The following TEX14 variants were observed in gnomAD, a reference collection of about 807,000 sequenced individuals.
TEX14 encodes the protein testis expressed 14, intercellular bridge forming factor, also known as inactive serine/threonine-protein kinase TEX14.
In TEX14, 168 loss-of-function variants were observed where a neutral mutation model predicts 178.6. The ratio of observed to expected loss-of-function variants is 0.94; its 90% CI spans 0.83 to 1.07. TEX14 has a LOEUF of 1.07. Ranked by LOEUF, TEX14 falls within the 50% of genes least tolerant of loss-of-function variation. The probability of loss-of-function intolerance (pLI) is 0.00; values close to 1 mark genes in which losing one functional copy is unlikely to be tolerated. For synonymous variants in TEX14, 626 were observed against 634.1 expected (o/e 0.99, Z 0.19); for missense variants, 1,730 against 1,753.6 (o/e 0.99, Z 0.24).
rs751314380 is a variant in TEX14 at position 58,599,677 on chromosome 17, A to C, written c.1679-11T>G. On this transcript the variant is annotated splice_polypyrimidine_tract_variant and intron_variant, in intron 13 of 31. Coordinates refer to ENST00000349033, the MANE Select transcript of TEX14 (RefSeq NM_031272.5). The stretch of plus-strand genomic sequence containing the variant: ...AATGAGGTTGACTGCCTATTGAAAA[A>C]AACAGCAAAATGCAACTCATTAAAA... 2.5e-6 allele frequency: 4 copies of C among 1,602,280 alleles called. No individual in the cohort carries two copies. Among genetic ancestry groups the C allele is most frequent in the Admixed American group, 3.4e-5 (2 of 59,094 alleles).
At chr17:58,644,118 G>C (rs1274994197) in intron 2 of TEX14, among the ~76,000 whole-genome samples, 1 of 151,970 alleles carries the variant, frequency 6.6e-6, no homozygotes, top group Non-Finnish European at 1.5e-5. Context: ...GAGAGGAGAG[G>C]GGCTGGAGAC....
At chr17:58,609,373 T>A (rs1020979546) in intron 10 of TEX14, among the ~76,000 whole-genome samples, 2 of 152,124 alleles carry the variant, frequency 1.3e-5, no homozygotes, top group African/African-American at 4.8e-5. Context: ...CCTCCCAAAG[T>A]GCTGGGATTA....
At chr17:58,615,858 C>T (rs1331796936) in intron 7 of TEX14, among the ~76,000 whole-genome samples, 3 of 152,178 alleles carry the variant, frequency 2.0e-5, no homozygotes, top group Non-Finnish European at 4.4e-5. Context: ...GTGGTTCTCC[C>T]CCAGAAACCT....
intron 2 of TEX14, among the ~76,000 whole-genome samples, chr17:58,646,808 G>T (rs2046718180): frequency 6.6e-6 from 1 of 152,044 alleles, no homozygotes; most frequent in Non-Finnish European, 1.5e-5. Flanking sequence ...GTTAGATTAT[G>T]GTCCCAAAGG....
chr17:58,683,379 C>T (rs1418048859), intron 1 of TEX14, among the ~76,000 whole-genome samples: 2 of 134,820 alleles, frequency 1.5e-5, no homozygotes, highest in African/African-American at 5.5e-5. Flanking sequence ...TCCCCCCCCC[C>T]AAAAAAAAAA....
intron 5 of TEX14, among the ~76,000 whole-genome samples, chr17:58,620,642 T>C (rs1169109759): frequency 6.6e-6 from 1 of 152,048 alleles, no homozygotes; most frequent in Non-Finnish European, 1.5e-5. Flanking sequence ...TACAGGTGCA[T>C]GCCACCACAC....
intron 1 of TEX14, among the ~76,000 whole-genome samples, chr17:58,682,411 C>T (rs1346013187): frequency 2.0e-5 from 3 of 152,086 alleles, no homozygotes; most frequent in Non-Finnish European, 4.4e-5. Context: ...GCACATGCCA[C>T]CATGCCCGGC....
At chr17:58,591,084 C>T (rs187167060) in intron 15 of TEX14, among the ~76,000 whole-genome samples, 3 of 152,124 alleles carry the variant, frequency 2.0e-5, no homozygotes, top group African/African-American at 7.2e-5. Flanking sequence ...GCAGGGGAGG[C>T]CACAACAACT....
intron 1 of TEX14, among the ~76,000 whole-genome samples, chr17:58,657,312 G>GTTCTTGTC (rs2046989851): frequency 6.6e-6 from 1 of 151,802 alleles, no homozygotes; most frequent in Non-Finnish European, 1.5e-5. Context: ...GCTTGTGCCT[G>GTTCTTGTC]TTCTTGTCTT....
intron 1 of TEX14, among the ~76,000 whole-genome samples, chr17:58,668,619 G>C (rs1598431650): frequency 6.6e-6 from 1 of 152,200 alleles, no homozygotes; most frequent in South Asian, 2.1e-4. Flanking sequence ...CTGAGGCCAA[G>C]GGAGGCTGAA....
chr17:58,646,948 C>G (rs951367977), intron 2 of TEX14, among the ~76,000 whole-genome samples: 2 of 151,554 alleles, frequency 1.3e-5, no homozygotes, highest in African/African-American at 4.9e-5. Context: ...TCTTGTTTCC[C>G]AGGCTGGAGT....
chr17:58,665,228 G>C (rs1480915025), intron 1 of TEX14, among the ~76,000 whole-genome samples: 1 of 152,006 alleles, frequency 6.6e-6, no homozygotes, highest in South Asian at 2.1e-4. Flanking sequence ...CTGGTCTCAA[G>C]CCATCCTCCT....
chr17:58,623,029 G>C lies in TEX14; in HGVS notation c.252-17C>G. 1.3e-6 allele frequency: 2 copies of C among 1,580,960 alleles called. No individual in the cohort carries two copies. The highest frequency in any genetic ancestry group is 2.3e-5 in the East Asian group (1 of 44,080). On this transcript the variant is annotated splice_polypyrimidine_tract_variant and intron_variant, in intron 3 of 31. Transcript: ENST00000349033. ...AAGCAGCGGCTGGGGAGGGAGATGAGTACAATTGATGTCCATGGCAATGCT... is the reference window on the plus strand; with the variant it reads ...AAGCAGCGGCTGGGGAGGGAGATGACTACAATTGATGTCCATGGCAATGCT...
intron 7 of TEX14, 34 bp downstream of exon 7, chr17:58,616,141 G>A (rs2144529274): frequency 1.3e-6 from 2 of 1,593,868 alleles, no homozygotes; most frequent in Admixed American, 1.8e-5. Context: ...CCCTGAAACT[G>A]AATCAGACCT....
chr17:58,648,820 C>T (rs1392891656), intron 2 of TEX14, among the ~76,000 whole-genome samples: 2 of 133,004 alleles, frequency 1.5e-5, no homozygotes, highest in Non-Finnish European at 1.6e-5. Flanking sequence ...GACAGAGTCT[C>T]GCTCTGTTGC....
Position 58,556,764 on chromosome 17 carries a change from C to A in TEX14, c.*247G>T, listed in dbSNP as rs887010591. 1 of 458,002 alleles carries A rather than the reference C, an allele frequency of 2.2e-6. No homozygotes were observed. The highest frequency in any genetic ancestry group is 3.2e-5 in the East Asian group (1 of 31,552). 28.4% of individuals were successfully genotyped at this position (458,002 alleles called of 1,614,324 possible). On this transcript the variant is annotated 3_prime_UTR_variant, in exon 32 of 32. Transcript: ENST00000349033. Reference sequence around the variant, plus strand: ...TCAACAAAACCAAAGCCATTCTAGGCACAACCAAAAATTTTTACTATCAAA... The same window carrying A: ...TCAACAAAACCAAAGCCATTCTAGGAACAACCAAAAATTTTTACTATCAAA...
At chr17:58,621,243 G>A (rs928283183) in intron 5 of TEX14, among the ~76,000 whole-genome samples, 4 of 152,172 alleles carry the variant, frequency 2.6e-5, no homozygotes, top group Non-Finnish European at 5.9e-5. Context: ...CCAAGAAACC[G>A]TAAGTTAAGC....
chr17:58,676,254 T>A (rs1006428507), intron 1 of TEX14, among the ~76,000 whole-genome samples: 1 of 152,086 alleles, frequency 6.6e-6, no homozygotes, highest in Non-Finnish European at 1.5e-5. Context: ...CAGGTGCCTG[T>A]AATCCCAGCT....
chr17:58,611,396 T>C lies in TEX14; in HGVS notation c.1006-57A>G, dbSNP rs1230255003. 5 of 1,279,592 alleles carry C rather than the reference T, an allele frequency of 3.9e-6. No individual in the cohort carries two copies. In the African/African-American group the frequency reaches 5.9e-5, roughly 15 times the overall value. 79.3% of individuals were successfully genotyped at this position (1,279,592 alleles called of 1,614,324 possible). Reference sequence around the variant, plus strand: ...AAAAAGGACTGGGGCCCTGACACTGTAGAGCATTTTGTGATTTCCAGTCTT... The same window carrying C: ...AAAAAGGACTGGGGCCCTGACACTGCAGAGCATTTTGTGATTTCCAGTCTT... On this transcript the variant is annotated intron_variant, in intron 9 of 31. Transcript: ENST00000349033.
Sources: allele counts gnomAD v4.1 joint callset (sites outside exome capture counted in the v4.1 genomes callset), GRCh38; gene constraint gnomAD v4.1.1; transcripts MANE v1.5; gene names NCBI Gene and HGNC (gene_info 2026-07-23, HGNC 2026-07-21).